Variants in FBXO43 observed in about 807,000 individuals in gnomAD.
FBXO43 encodes F-box only protein 43.
A neutral mutation model predicts 56.7 loss-of-function variants in FBXO43; 22 were observed. The observed-to-expected ratio is 0.39, with a 90% confidence interval of 0.28 to 0.55. The LOEUF is 0.55. Among genes scored for constraint, FBXO43 ranks in the 20% least tolerant of loss-of-function variants. The pLI, the probability that FBXO43 is intolerant of heterozygous loss-of-function variation, is 0.66. For missense variants in FBXO43, 733 were observed against 814.9 expected, an observed-to-expected ratio of 0.90 and a Z score of 1.22; for synonymous variants, 306 against 294.5, an observed-to-expected ratio of 1.04 and a Z score of -0.40.
chr8:100,137,091 C>G (rs1955214), intron 3 of FBXO43: 8,267 of 152,924 alleles, frequency 0.054, 676 homozygotes, highest in African/African-American at 0.17. Flanking sequence ...GAGTCTCGCT[C>G]TGTCGCCCAG....
In FBXO43 at chr8:100,145,442, G is replaced by C. The variant is rs1814801800; in HGVS notation, c.-307C>G. On this transcript the variant is annotated 5_prime_UTR_variant, in exon 1 of 5. Coordinates refer to ENST00000428847, the MANE Select transcript of FBXO43 (RefSeq NM_001029860.4). The stretch of plus-strand genomic sequence containing the variant: ...CCCCGAGGAGCTATGGCGGGCGGGT[G>C]GGTAACGGTCTCACCAGGGCGTCAA... The C allele has an allele frequency of 4.1e-6, 1 of 244,246 alleles. No individual in the cohort carries two copies. Among genetic ancestry groups the C allele is most frequent in the Non-Finnish European group, 7.8e-6 (1 of 127,588 alleles). 15.1% of individuals were successfully genotyped at this position (244,246 alleles called of 1,614,324 possible).
chr8:100,135,142 G>A (rs1364680746), intron 3 of FBXO43, among the ~76,000 whole-genome samples: 2 of 152,162 alleles, frequency 1.3e-5, no homozygotes, highest in African/African-American at 2.4e-5. Flanking sequence ...TGTGAAAAAA[G>A]TTATAATAAT....
upstream of FBXO43, among the ~76,000 whole-genome samples, chr8:100,147,100 A>G (rs1294124400): frequency 3.3e-5 from 5 of 152,208 alleles, no homozygotes; most frequent in Non-Finnish European, 5.9e-5. Context: ...CACCTGCCTC[A>G]GCCTCCCAAA....
In FBXO43 at chr8:100,145,204, A is replaced by T; in HGVS notation, c.-69T>A. 7.3e-7 allele frequency: 1 copy of T among 1,363,282 alleles called. No individual in the cohort carries two copies. The highest frequency in any genetic ancestry group is 1.3e-5 in the South Asian group (1 of 77,070). 84.4% of individuals were successfully genotyped at this position (1,363,282 alleles called of 1,614,324 possible). ...ATTAATTGAAAGGTGCAGCAGCATC[A>T]TGATTGCTCAAAGTCGAAGGGTACA... On this transcript the variant is annotated 5_prime_UTR_variant, in exon 1 of 5. It removes an upstream start codon present in the reference 5' UTR. Transcript: ENST00000428847.
chr8:100,140,715 A>C lies in FBXO43; in HGVS notation c.1539T>G (p.Val513=). 6.2e-7 allele frequency: 1 copy of C among 1,610,834 alleles called. No homozygotes were observed. The highest frequency in any genetic ancestry group is 8.5e-7 in the Non-Finnish European group (1 of 1,178,706). Residue 513 remains valine, a synonymous_variant, in exon 2 of 5, where the codon GTT becomes GTG. Coordinates refer to ENST00000428847, the MANE Select transcript of FBXO43 (RefSeq NM_001029860.4). ...YRNLKHILAM[V]LESLTAESLC... ...GGCTCTCTGCGGTCAAGGACTCTAA[A>C]ACCATAGCAAGAATATGCTTTAAAT...
chr8:100,136,510 T>C lies in FBXO43; in HGVS notation c.1674+1055A>G, dbSNP rs1221462283. On this transcript the variant is annotated intron_variant, in intron 3 of 4. Coordinates refer to ENST00000428847, the MANE Select transcript of FBXO43 (RefSeq NM_001029860.4). ...CAGATGCCTATTACACAAAATAGCATGCCTGAGAGGAATCCATCAGCTTCT... is the reference window on the plus strand; with the variant it reads ...CAGATGCCTATTACACAAAATAGCACGCCTGAGAGGAATCCATCAGCTTCT... Among the ~76,000 whole-genome samples the C allele has an allele frequency of 6.6e-5, 10 of 152,222 alleles. No individual in the cohort carries two copies. The East Asian group carries it at 1.9e-3, about 29-fold the overall frequency.
Position 100,145,225 on chromosome 8 carries a change from G to T in FBXO43, c.-90C>A, listed in dbSNP as rs1814793295. 9.7e-7 allele frequency: 1 copy of T among 1,028,290 alleles called. No individual in the cohort carries two copies. Among genetic ancestry groups the T allele is most frequent in the Non-Finnish European group, 1.4e-6 (1 of 704,786 alleles). The allele number at this position is 1,028,290 out of a possible 1,614,324, so 63.7% of individuals were successfully genotyped here. A position where few individuals can be genotyped will look rare whatever the true frequency, so the allele number is the denominator to read the frequency against. ...CATCATGATTGCTCAAAGTCGAAGGGTACACAGGGTGCATGCCGCAGGGAT... is the reference window on the plus strand; with the variant it reads ...CATCATGATTGCTCAAAGTCGAAGGTTACACAGGGTGCATGCCGCAGGGAT... On this transcript the variant is annotated 5_prime_UTR_variant, in exon 1 of 5. It introduces an in-frame stop codon into an upstream open reading frame of the 5' UTR. Coordinates refer to ENST00000428847, the MANE Select transcript of FBXO43 (RefSeq NM_001029860.4).
chr8:100,140,640 T>TA, intron 2 of FBXO43, 43 bp downstream of exon 2: 1 of 1,497,486 alleles, frequency 6.7e-7, no homozygotes, highest in Non-Finnish European at 8.9e-7. Context: ...CTTTTCAACT[T>TA]AAAAAAAGAA....
chr8:100,136,092 T>C (rs1814461966), intron 3 of FBXO43, among the ~76,000 whole-genome samples: 1 of 152,176 alleles, frequency 6.6e-6, no homozygotes, highest in African/African-American at 2.4e-5. Context: ...AGTCTGTCCC[T>C]AGCATATAGG....
intron 1 of FBXO43, among the ~76,000 whole-genome samples, chr8:100,144,681 C>A (rs1284139531): frequency 6.6e-6 from 1 of 150,792 alleles, no homozygotes; most frequent in Non-Finnish European, 1.5e-5. Flanking sequence ...CCCGTAATCC[C>A]AGCACTTTGG....
At chr8:100,137,433 G>A (rs2446922) in intron 3 of FBXO43, 132 bp downstream of exon 3, 348,138 of 602,496 alleles carry the variant, frequency 0.58, 102,109 homozygotes, top group East Asian at 0.74. Flanking sequence ...GGAAAACTAA[G>A]GAATTTATGA....
In FBXO43 at chr8:100,133,927, A is replaced by C. The variant is rs1814385335; in HGVS notation, c.2002T>G (p.Cys668Gly). 2 of 1,614,034 alleles carry C rather than the reference A, an allele frequency of 1.2e-6. No individual in the cohort carries two copies. Among genetic ancestry groups the C allele is most frequent in the Admixed American group, 1.7e-5 (1 of 60,008 alleles). Residue 668 changes from cysteine to glycine, a missense_variant, in exon 5 of 5, where the codon TGT (cysteine) becomes GGT (glycine). By Grantham distance (159) the Cys-to-Gly change is radical (BLOSUM62 -3). Coordinates refer to ENST00000428847, the MANE Select transcript of FBXO43 (RefSeq NM_001029860.4). ...TGATAAGCACACAGACATAACACACAAAAGTCAAAACCACAGGCTGTTCGG... is the reference window on the plus strand; with the variant it reads ...TGATAAGCACACAGACATAACACACCAAAGTCAAAACCACAGGCTGTTCGG... ...CSRTACGFDF[C>G]VLCLCAYHGS...
Position 100,140,866 on chromosome 8 carries a change from C to T in FBXO43, c.1388G>A (p.Gly463Glu). 2 of 1,614,190 alleles carry T rather than the reference C, an allele frequency of 1.2e-6. No individual in the cohort carries two copies. The highest frequency in any genetic ancestry group is 2.2e-5 in the South Asian group (2 of 91,078). Residue 463 changes from glycine (G) to glutamate (E), a missense_variant, in exon 2 of 5, where the codon GGA becomes GAA. Transcript: ENST00000428847. ...ATCCCCTTGCTCTAAGAATTCATGT[C>T]CACTATTTTCCTGTAATCTTTTCCT... ...SKRKRLQENSGHEFLEQGDGE... is the reference protein window; with the variant it reads ...SKRKRLQENSEHEFLEQGDGE...
intron 1 of FBXO43, among the ~76,000 whole-genome samples, chr8:100,143,155 G>T (rs1019572885): frequency 1.3e-4 from 19 of 151,972 alleles, no homozygotes; most frequent in African/African-American, 4.3e-4. Flanking sequence ...AATTTGTTTT[G>T]ACAAAAATAG....
intron 2 of FBXO43, 53 bp from the exon 3 acceptor site, chr8:100,137,720 T>A: frequency 7.4e-7 from 1 of 1,342,582 alleles, no homozygotes; most frequent in Non-Finnish European, 1.0e-6. Context: ...GGATTAACAT[T>A]TTGTTGTATA....
At chr8:100,138,595 C>A (rs907362256) in intron 2 of FBXO43, among the ~76,000 whole-genome samples, 2 of 152,222 alleles carry the variant, frequency 1.3e-5, no homozygotes, top group Admixed American at 6.5e-5. Context: ...TAGTTACATA[C>A]TTTGCAGTAC....
Position 100,145,074 on chromosome 8 carries a change from G to A in FBXO43, c.62C>T (p.Ser21Phe), listed in dbSNP as rs748971141. The change falls in exon 1 of 5, where the codon TCT becomes TTT. Residue 21 changes from serine (S) to phenylalanine (F), a missense_variant. Coordinates refer to ENST00000428847, the MANE Select transcript of FBXO43 (RefSeq NM_001029860.4). ...ACCATCAGTAAATCTTGAGCTCTTA[G>A]ATGTCAAAGTTACGTAGGCTTCCAA... ...SCLEAYVTLT[S>F]KSSRFTDETE... 2 of 1,611,704 alleles carry A rather than the reference G, an allele frequency of 1.2e-6. No individual in the cohort carries two copies. Among genetic ancestry groups the A allele is most frequent in the Non-Finnish European group, 1.7e-6 (2 of 1,178,258 alleles).
chr8:100,141,264 C>A lies in FBXO43; in HGVS notation c.990G>T (p.Thr330=). 6.2e-7 allele frequency: 1 copy of A among 1,614,086 alleles called. No homozygotes were observed. Among genetic ancestry groups the A allele is most frequent in the Non-Finnish European group, 8.5e-7 (1 of 1,180,000 alleles). ...GTGAGTTAAAACCACTGTCTTCAGG[C>A]GTTGAAATACTGCCTCTCACTTCAG... The part of the protein sequence containing the change: ...PSPEVRGSIS[T]PEDSGFNSLS... Residue 330 remains threonine (T), a synonymous_variant, in exon 2 of 5, where the codon ACG becomes ACT. Coordinates refer to ENST00000428847, the MANE Select transcript of FBXO43 (RefSeq NM_001029860.4).
chr8:100,150,168 A>T (rs532618275), upstream of FBXO43, among the ~76,000 whole-genome samples: 411 of 152,382 alleles, frequency 2.7e-3, 2 homozygotes, highest in Non-Finnish European at 4.7e-3. Context: ...CCAGAAAGCA[A>T]AAACAAAATC....
Sources: allele counts gnomAD v4.1 joint callset (sites outside exome capture counted in the v4.1 genomes callset), GRCh38; gene constraint gnomAD v4.1.1; transcripts MANE v1.5; gene names NCBI Gene and HGNC (gene_info 2026-07-23, HGNC 2026-07-21).